TMPRSS13: variants seen among roughly 807,000 people sequenced by gnomAD.
TMPRSS13 encodes the protein transmembrane protease serine 13.
TMPRSS13 carries 50 observed loss-of-function variants against 68.4 expected under a neutral mutation model. The ratio of observed to expected loss-of-function variants is 0.73; its 90% CI spans 0.58 to 0.93. The LOEUF is 0.93. Ranked by LOEUF, TMPRSS13 falls within the 40% of genes least tolerant of loss-of-function variation. The probability of loss-of-function intolerance (pLI) is 0.00; values close to 1 mark genes in which losing one functional copy is unlikely to be tolerated. For missense variants in TMPRSS13, 615 were observed against 729.2 expected, an observed-to-expected ratio of 0.84 and a Z score of 1.80; for synonymous variants, 267 against 285.8, an observed-to-expected ratio of 0.93 and a Z score of 0.66.
intron 10 of TMPRSS13, 62 bp from the exon 11 acceptor site, chr11:117,904,163 C>G (rs937461580): frequency 1.5e-5 from 24 of 1,570,068 alleles, no homozygotes; most frequent in Non-Finnish European, 2.0e-5. Context: ...TAGATAGCTT[C>G]CTGGCCGTCC....
In TMPRSS13 at chr11:117,920,724, A is replaced by T. The variant is rs796306992; in HGVS notation, c.22-1886T>A. Among the ~76,000 whole-genome samples the T allele has an allele frequency of 2.0e-5, 3 of 152,060 alleles. No individual in the cohort carries two copies. In the South Asian group the frequency reaches 6.2e-4, roughly 31 times the overall value. ...GGCTGGTCTCAAACTCCTGACCTCAAATGATCCACCCGCCTCAGCCTCCCA... is the reference window on the plus strand; with the variant it reads ...GGCTGGTCTCAAACTCCTGACCTCATATGATCCACCCGCCTCAGCCTCCCA... On this transcript the variant is annotated intron_variant, in intron 1 of 12. Coordinates refer to ENST00000524993, the MANE Select transcript of TMPRSS13 (RefSeq NM_001077263.3).
At chr11:117,925,178 C>A (rs2134930347) in intron 1 of TMPRSS13, among the ~76,000 whole-genome samples, 1 of 152,316 alleles carries the variant, frequency 6.6e-6, no homozygotes, top group East Asian at 1.9e-4. Context: ...TGAGCCCTTA[C>A]CCCACCTCAA....
At chr11:117,920,850 C>T (rs961540448) in intron 1 of TMPRSS13, among the ~76,000 whole-genome samples, 7 of 152,186 alleles carry the variant, frequency 4.6e-5, no homozygotes, top group African/African-American at 1.7e-4. Context: ...ATGGAAAAAT[C>T]TGAATCTGAT....
rs111859651 is a variant in TMPRSS13 at position 117,921,682 on chromosome 11, G to C, written c.22-2844C>G. On this transcript the variant is annotated intron_variant, in intron 1 of 12. Transcript: ENST00000524993. Reference sequence around the variant, plus strand: ...GCGACACATCCGAAAGTGGGATGGAGTCTCTGCAGGCCCTGGGTCTGGGGG... The same window carrying C: ...GCGACACATCCGAAAGTGGGATGGACTCTCTGCAGGCCCTGGGTCTGGGGG... 5.5e-3 allele frequency among the ~76,000 whole-genome samples: 838 copies of C among 152,342 alleles called. 10 individuals are homozygous for C. Among genetic ancestry groups the C allele is most frequent in the African/African-American group, 0.019 (771 of 41,576 alleles).
At chr11:117,919,665 CA>C (rs1482656083) in intron 1 of TMPRSS13, among the ~76,000 whole-genome samples, 1 of 152,270 alleles carries the variant, frequency 6.6e-6, no homozygotes, top group Non-Finnish European at 1.5e-5. Flanking sequence ...TGTGTACTGG[CA>C]CTTTAGAGTT....
intron 1 of TMPRSS13, among the ~76,000 whole-genome samples, chr11:117,925,069 G>T (rs2057691594): frequency 1.3e-5 from 2 of 152,216 alleles, no homozygotes; most frequent in South Asian, 4.1e-4. Flanking sequence ...TAAATTAAGG[G>T]TGTTGGACAA....
chr11:117,925,878 G>C (rs961783007), intron 1 of TMPRSS13, among the ~76,000 whole-genome samples: 1 of 152,232 alleles, frequency 6.6e-6, no homozygotes, highest in African/African-American at 2.4e-5. Context: ...GCACGCTTAC[G>C]CTCACATCTG....
In TMPRSS13 at chr11:117,914,268, CAT is replaced by C; in HGVS notation, c.679+122_679+123del. ...ATACATGCATACACACAAACATGCA[CAT>C]ACACACACATGCACGCACACATATA... is the stretch of plus-strand genomic sequence containing the variant. On this transcript the variant is annotated intron_variant, in intron 4 of 12. Coordinates refer to ENST00000524993, the MANE Select transcript of TMPRSS13 (RefSeq NM_001077263.3). The surrounding 1 kb of genome is among the most constrained non-coding windows in gnomAD (Gnocchi z 4.2). 2 of 1,320,690 alleles carry C rather than the reference CAT, an allele frequency of 1.5e-6. No homozygotes were observed. The highest frequency in any genetic ancestry group is 1.4e-5 in the African/African-American group (1 of 69,996). 81.8% of individuals were successfully genotyped at this position (1,320,690 alleles called of 1,614,324 possible).
rs1223830473 is a variant in TMPRSS13 at position 117,909,868 on chromosome 11, G to A, written c.1047C>T (p.His349=). Residue 349 remains histidine, a synonymous_variant, in exon 8 of 13, where the codon CAC becomes CAT. Coordinates refer to ENST00000524993, the MANE Select transcript of TMPRSS13 (RefSeq NM_001077263.3). ...CGTCAATGAGCGTGCCTCCACAGAT[G>A]TGGGTGGTGCCGAAGTGCAGACTCA... ...WQVSLHFGTT[H]ICGGTLIDAQ... 2.5e-6 allele frequency: 4 copies of A among 1,614,032 alleles called. No homozygotes were observed. The highest frequency in any genetic ancestry group is 3.4e-6 in the Non-Finnish European group (4 of 1,180,026).
At chr11:117,921,858 C>T (rs988700061) in intron 1 of TMPRSS13, among the ~76,000 whole-genome samples, 3 of 152,088 alleles carry the variant, frequency 2.0e-5, no homozygotes, top group Non-Finnish European at 4.4e-5. Flanking sequence ...ACTACAAGTC[C>T]CAACAGGGAC....
At position 117,914,911 on chromosome 11, in the gene TMPRSS13, G is replaced by T. The variant is rs2057561654; in HGVS notation, c.557-397C>A. ...ACCCCTCTGCCATCCCATCTTCTCTGTGCTCCGCAGGGTCACAGCAGATAA... is the reference window on the plus strand; with the variant it reads ...ACCCCTCTGCCATCCCATCTTCTCTTTGCTCCGCAGGGTCACAGCAGATAA... On this transcript the variant is annotated intron_variant, in intron 3 of 12. Coordinates refer to ENST00000524993, the MANE Select transcript of TMPRSS13 (RefSeq NM_001077263.3). The surrounding 1 kb of genome is among the most constrained non-coding windows in gnomAD (Gnocchi z 4.2). Among the ~76,000 whole-genome samples the T allele has an allele frequency of 6.6e-6, 1 of 152,124 alleles. No individual in the cohort carries two copies. The highest frequency in any genetic ancestry group is 2.4e-5 in the African/African-American group (1 of 41,406).
intron 1 of TMPRSS13, among the ~76,000 whole-genome samples, chr11:117,924,579 G>A (rs1251654719): frequency 6.6e-6 from 1 of 152,182 alleles, no homozygotes; most frequent in Non-Finnish European, 1.5e-5. Flanking sequence ...AGAAAGATCA[G>A]GATCTCCCTT....
chr11:117,920,650 G>A (rs1349926626), intron 1 of TMPRSS13, among the ~76,000 whole-genome samples: 8 of 151,868 alleles, frequency 5.3e-5, no homozygotes, highest in East Asian at 3.9e-4. Flanking sequence ...CACCACACCC[G>A]GTTAATTTTT....
intron 10 of TMPRSS13, among the ~76,000 whole-genome samples, chr11:117,904,403 C>T (rs910570299): frequency 5.9e-5 from 9 of 152,206 alleles, no homozygotes; most frequent in South Asian, 2.1e-4. Context: ...CACTTGCCTA[C>T]GTTCAAAGCA....
chr11:117,904,589 T>C (rs2057444421), intron 10 of TMPRSS13, among the ~76,000 whole-genome samples: 1 of 151,982 alleles, frequency 6.6e-6, no homozygotes, highest in Non-Finnish European at 1.5e-5. Flanking sequence ...ACATCAGTCA[T>C]TGCTCTGCCT....
intron 8 of TMPRSS13, 38 bp downstream of exon 8, chr11:117,909,768 C>T (rs1291658591): frequency 1.9e-6 from 3 of 1,590,492 alleles, no homozygotes; most frequent in South Asian, 2.2e-5. Context: ...GTTCCCGACC[C>T]TGGGCAGTGT....
At chr11:117,928,495 T>C (rs1247699491) in intron 1 of TMPRSS13, among the ~76,000 whole-genome samples, 1 of 151,962 alleles carries the variant, frequency 6.6e-6, no homozygotes, top group Non-Finnish European at 1.5e-5. Flanking sequence ...ACCATGTCGG[T>C]AAGGTACAGA....
At chr11:117,910,780 A>G in intron 6 of TMPRSS13, 30 bp from the exon 7 acceptor site, 1 of 1,592,616 alleles carries the variant, frequency 6.3e-7, no homozygotes, top group Non-Finnish European at 8.6e-7. Flanking sequence ...AAGTGGGAAA[A>G]GGGCACATTA....
In TMPRSS13 at chr11:117,908,742, GCCCGCGTACACCTT is replaced by G; in HGVS notation, c.1138_1151del (p.Lys380HisfsTer9). ...CAGGCAACTGGTGCAGGTTGCTGGT[GCCCGCGTACACCTT>G]CCAGCCCTCCAGGACCTTCTCCCGG... On this transcript the variant is annotated frameshift_variant, in exon 9 of 13. Coordinates refer to ENST00000524993, the MANE Select transcript of TMPRSS13 (RefSeq NM_001077263.3). LOFTEE classifies it high-confidence loss of function. 1 of 1,609,528 alleles carries G rather than the reference GCCCGCGTACACCTT, an allele frequency of 6.2e-7. No individual in the cohort carries two copies. Among genetic ancestry groups the G allele is most frequent in the African/African-American group, 1.3e-5 (1 of 75,022 alleles).
Sources: allele counts gnomAD v4.1 joint callset (sites outside exome capture counted in the v4.1 genomes callset), GRCh38; gene constraint gnomAD v4.1.1; non-coding constraint Gnocchi (gnomAD v3.1); transcripts MANE v1.5; gene names NCBI Gene and HGNC (gene_info 2026-07-23, HGNC 2026-07-21).